Variants in SND1 observed in about 807,000 individuals in gnomAD.
The protein encoded by SND1 is staphylococcal nuclease and tudor domain containing 1.
SND1 carries 38 observed loss-of-function variants against 121.7 expected under a neutral mutation model. That is an observed-to-expected ratio of 0.31 (90% CI 0.24 to 0.41). The LOEUF (loss-of-function observed/expected upper bound fraction) is 0.41, where lower values mean the gene tolerates loss of function less well. Among genes scored for constraint, SND1 ranks in the 10% least tolerant of loss-of-function variants. The pLI, the probability that SND1 is intolerant of heterozygous loss-of-function variation, is 1.00. For synonymous variants in SND1, 401 were observed against 447.4 expected (o/e 0.90, Z 1.31); for missense variants, 868 against 1,184.6 (o/e 0.73, Z 3.92).
chr7:127,827,337 C>T (rs1214746429), intron 11 of SND1, among the ~76,000 whole-genome samples: 1 of 152,148 alleles, frequency 6.6e-6, no homozygotes, highest in Non-Finnish European at 1.5e-5. Context: ...AAATATTGAT[C>T]ATTTTTTAAA....
chr7:127,662,890 CTTTTTTTTTTT>C (rs34629378), intron 1 of SND1, among the ~76,000 whole-genome samples: 1 of 122,522 alleles, frequency 8.2e-6, no homozygotes, highest in South Asian at 2.5e-4. Context: ...CCTCTTTTAT[CTTTTTTTTTTT>C]TTTTTTTTTG....
In SND1 at chr7:127,765,128, G is replaced by A. The variant is rs1296604291; in HGVS notation, c.1153-42356G>A. Among the ~76,000 whole-genome samples the A allele has an allele frequency of 5.9e-5, 9 of 152,282 alleles. No individual in the cohort carries two copies. The South Asian group carries it at 1.5e-3, about 25-fold the overall frequency. On this transcript the variant is annotated intron_variant, in intron 10 of 23. Coordinates refer to ENST00000354725, the MANE Select transcript of SND1 (RefSeq NM_014390.4). The stretch of plus-strand genomic sequence containing the variant: ...CAATTTTGACTACAAATGACATCTA[G>A]GAACACACCATGATGCCACTGGACT...
At position 127,868,635 on chromosome 7, in the gene SND1, T is replaced by A. The variant is rs562421450; in HGVS notation, c.1344-19267T>A. Among the ~76,000 whole-genome samples, 72 of 152,272 alleles carry A rather than the reference T, an allele frequency of 4.7e-4. 1 individual carries two copies. The highest frequency in any genetic ancestry group is 8.5e-4 in the Admixed American group (13 of 15,292). On this transcript the variant is annotated intron_variant, in intron 12 of 23. Transcript: ENST00000354725. ...CACCCTAGAGGTCCTTCAGGTCAAGTTAGTCCGCTTGGTATGATAGAACAG... is the reference window on the plus strand; with the variant it reads ...CACCCTAGAGGTCCTTCAGGTCAAGATAGTCCGCTTGGTATGATAGAACAG...
chr7:127,999,026 T>C (rs1175427510), intron 16 of SND1: 1 of 152,264 alleles, frequency 6.6e-6, no homozygotes, highest in Non-Finnish European at 1.5e-5. Flanking sequence ...CTGAAATAGG[T>C]ACTGTGCCTA....
At chr7:127,706,808 A>T (rs1030406222) in intron 8 of SND1, among the ~76,000 whole-genome samples, 3 of 152,226 alleles carry the variant, frequency 2.0e-5, no homozygotes, top group Admixed American at 6.5e-5. Flanking sequence ...CTTGTATTTT[A>T]CAACTACTAC....
At chr7:127,668,471 T>C (rs1457482686) in intron 1 of SND1, among the ~76,000 whole-genome samples, 1 of 152,218 alleles carries the variant, frequency 6.6e-6, no homozygotes, top group African/African-American at 2.4e-5. Context: ...CTGGATGTTC[T>C]GTAAGGGCAA....
chr7:127,811,175 C>T lies in SND1; in HGVS notation c.1242+3602C>T, dbSNP rs182846584. 3.3e-5 allele frequency among the ~76,000 whole-genome samples: 5 copies of T among 152,256 alleles called. No homozygotes were observed. In the East Asian group the frequency reaches 7.7e-4, roughly 24 times the overall value. On this transcript the variant is annotated intron_variant, in intron 11 of 23. Coordinates refer to ENST00000354725, the MANE Select transcript of SND1 (RefSeq NM_014390.4). ...CATTGAAATTTGTTATCTGAACTAACCCAGCTCTTTTTAGGCACTTAGAAT... is the reference window on the plus strand; with the variant it reads ...CATTGAAATTTGTTATCTGAACTAATCCAGCTCTTTTTAGGCACTTAGAAT...
At chr7:127,878,414 G>A (rs1473265862) in intron 12 of SND1, among the ~76,000 whole-genome samples, 2 of 152,168 alleles carry the variant, frequency 1.3e-5, no homozygotes. Context: ...TTGGGGTCAT[G>A]CCTTTATGTT....
At chr7:127,762,009 A>G (rs1797313777) in intron 10 of SND1, among the ~76,000 whole-genome samples, 1 of 152,184 alleles carries the variant, frequency 6.6e-6, no homozygotes, top group South Asian at 2.1e-4. Flanking sequence ...ATTTATAATT[A>G]TTCTAGTAAT....
chr7:127,885,855 A>G (rs1333455215), intron 12 of SND1, among the ~76,000 whole-genome samples: 1 of 152,082 alleles, frequency 6.6e-6, no homozygotes, highest in Non-Finnish European at 1.5e-5. Context: ...TTTTCTTGGC[A>G]TTTAAAACAG....
chr7:127,871,631 A>T (rs537028897), intron 12 of SND1, among the ~76,000 whole-genome samples: 7 of 152,322 alleles, frequency 4.6e-5, no homozygotes, highest in African/African-American at 1.4e-4. Context: ...ACTGTATCTT[A>T]TCACTGAAAA....
chr7:127,680,964 G>A (rs571861606), intron 1 of SND1, among the ~76,000 whole-genome samples: 79 of 152,060 alleles, frequency 5.2e-4, no homozygotes, highest in Non-Finnish European at 8.2e-4. Flanking sequence ...CACAATCCAC[G>A]TTCTTCTGCC....
At chr7:128,028,900 C>G (rs1175258068) in intron 16 of SND1, 1 of 1,613,580 alleles carries the variant, frequency 6.2e-7, no homozygotes, top group Admixed American at 1.7e-5. Context: ...GTTGCTGCTG[C>G]GGATGTTGCT....
chr7:127,794,665 G>A (rs1200018462), intron 10 of SND1, among the ~76,000 whole-genome samples: 2 of 152,124 alleles, frequency 1.3e-5, no homozygotes, highest in Admixed American at 1.3e-4. Flanking sequence ...CCCCTCTTCT[G>A]TAACTGTGGG....
Position 127,698,927 on chromosome 7 carries a change from C to T in SND1, c.402C>T (p.Thr134=), listed in dbSNP as rs573908984. ...AESLVAEGLA[T]RREGMRANNP... ...CACTGGTTGCAGAGGGCTTAGCCAC[C>T]CGGAGAGAAGGCATGAGAGCTAATA... is the stretch of plus-strand genomic sequence containing the variant. Residue 134 remains threonine (T), a synonymous_variant, in exon 4 of 24, where the codon ACC becomes ACT. Coordinates refer to ENST00000354725, the MANE Select transcript of SND1 (RefSeq NM_014390.4). 1 of 1,613,596 alleles carries T rather than the reference C, an allele frequency of 6.2e-7. No homozygotes were observed. The highest frequency in any genetic ancestry group is 1.3e-5 in the African/African-American group (1 of 74,976).
In SND1 at chr7:127,875,975, T is replaced by C. The variant is rs115822150; in HGVS notation, c.1344-11927T>C. 6.6e-3 allele frequency among the ~76,000 whole-genome samples: 1,005 copies of C among 152,234 alleles called. 15 individuals carry two copies. The highest frequency in any genetic ancestry group is 0.023 in the African/African-American group (948 of 41,560). The stretch of plus-strand genomic sequence containing the variant: ...TGCTTCAGGTTTCTCATTTGTAAAA[T>C]AGGGAATAATAATAGTCCCTATCTC... On this transcript the variant is annotated intron_variant, in intron 12 of 23. Coordinates refer to ENST00000354725, the MANE Select transcript of SND1 (RefSeq NM_014390.4).
intron 16 of SND1, among the ~76,000 whole-genome samples, chr7:128,061,765 G>A (rs752167039): frequency 2.0e-5 from 3 of 152,254 alleles, no homozygotes; most frequent in African/African-American, 7.2e-5. Context: ...TATTTCACGT[G>A]TATGTGTTCA....
At chr7:128,062,534 T>C (rs923131839) in intron 16 of SND1, among the ~76,000 whole-genome samples, 1 of 152,198 alleles carries the variant, frequency 6.6e-6, no homozygotes, top group African/African-American at 2.4e-5. Context: ...TGGCGTTTCT[T>C]ATATTCAGTT....
At chr7:127,928,789 C>T (rs1800902281) in intron 14 of SND1, among the ~76,000 whole-genome samples, 1 of 152,078 alleles carries the variant, frequency 6.6e-6, no homozygotes, top group South Asian at 2.1e-4. Flanking sequence ...CAGGGTTTTG[C>T]CATGTTGGCC....
Sources: allele counts gnomAD v4.1 joint callset (sites outside exome capture counted in the v4.1 genomes callset), GRCh38; gene constraint gnomAD v4.1.1; transcripts MANE v1.5; gene names NCBI Gene and HGNC (gene_info 2026-07-23, HGNC 2026-07-21).